DSCC1: variants seen among roughly 807,000 people sequenced by gnomAD.
The protein encoded by DSCC1 is DNA replication and sister chromatid cohesion 1.
A neutral mutation model predicts 48.2 loss-of-function variants in DSCC1; 32 were observed. The ratio of observed to expected loss-of-function variants is 0.66; its 90% CI spans 0.50 to 0.89. DSCC1 has a LOEUF of 0.89. Among genes scored for constraint, DSCC1 ranks in the 40% least tolerant of loss-of-function variants. DSCC1 has a pLI of 0.00. For missense variants in DSCC1, 421 were observed against 471.7 expected, an observed-to-expected ratio of 0.89 and a Z score of 1.00; for synonymous variants, 150 against 171.5, an observed-to-expected ratio of 0.87 and a Z score of 0.98.
intron 8 of DSCC1, 102 bp from the exon 9 acceptor site, chr8:119,835,103 C>T: frequency 2.6e-6 from 2 of 782,864 alleles, no homozygotes; most frequent in Non-Finnish European, 4.0e-6. Flanking sequence ...AATCTGTCTT[C>T]TCAACAAGCG....
At chr8:119,854,980 A>G (rs1438589516) in intron 1 of DSCC1, among the ~76,000 whole-genome samples, 1 of 152,204 alleles carries the variant, frequency 6.6e-6, no homozygotes, top group Admixed American at 6.5e-5. Context: ...GGAGCTCCCT[A>G]TTTTGCAGGA....
Position 119,838,326 on chromosome 8 carries a change from C to G in DSCC1, c.1006G>C (p.Glu336Gln). ...KVDDLPEDNQ[E>Q]RFNSLFSLRE... is the part of the protein sequence containing the mutation. ...AGAGAGAAAAGGCTATTAAAACGTT[C>G]CTGATTATCCTCAGGTAAATCATCT... Residue 336 changes from glutamate to glutamine, a missense_variant, in exon 8 of 9, where the codon GAA (glutamate) becomes CAA (glutamine). Coordinates refer to ENST00000313655, the MANE Select transcript of DSCC1 (RefSeq NM_024094.3). 1 of 1,610,370 alleles carries G rather than the reference C, an allele frequency of 6.2e-7. No individual in the cohort carries two copies. The highest frequency in any genetic ancestry group is 8.5e-7 in the Non-Finnish European group (1 of 1,178,540).
intron 8 of DSCC1, 102 bp from the exon 9 acceptor site, chr8:119,835,103 C>A: frequency 1.3e-6 from 1 of 782,864 alleles, no homozygotes; most frequent in Admixed American, 3.2e-5. Flanking sequence ...AATCTGTCTT[C>A]TCAACAAGCG....
At chr8:119,838,123 C>A in intron 8 of DSCC1, 136 bp downstream of exon 8, 1 of 882,886 alleles carries the variant, frequency 1.1e-6, no homozygotes. Context: ...AGACAGCCAC[C>A]ACCTAAGAGT....
Position 119,842,976 on chromosome 8 carries a change from A to G in DSCC1, c.717-148T>C, listed in dbSNP as rs573791458. The G allele has an allele frequency of 2.6e-3, 1,730 of 669,082 alleles. 2 individuals are homozygous for G. Among genetic ancestry groups the G allele is most frequent in the Non-Finnish European group, 3.6e-3 (1,405 of 391,208 alleles). 41.4% of individuals were successfully genotyped at this position (669,082 alleles called of 1,614,324 possible). A position where few individuals can be genotyped will look rare whatever the true frequency, so the allele number is the denominator to read the frequency against. On this transcript the variant is annotated intron_variant, in intron 5 of 8. Transcript: ENST00000313655. ...TGCCAAATATTATTTTATTTAAATT[A>G]GGAACTAAGTAAAATATACTGGGAA...
chr8:119,843,851 A>G (rs1472925933), intron 4 of DSCC1, 104 bp from the exon 5 acceptor site: 15 of 1,156,446 alleles, frequency 1.3e-5, no homozygotes, highest in Non-Finnish European at 1.8e-5. Context: ...ATCTCAGCTC[A>G]TCGCAACCTC....
chr8:119,844,482 T>C lies in DSCC1; in HGVS notation c.578-735A>G, dbSNP rs72690119. Among the ~76,000 whole-genome samples, 421 of 152,118 alleles carry C rather than the reference T, an allele frequency of 2.8e-3. 1 individual carries two copies. Among genetic ancestry groups the C allele is most frequent in the South Asian group, 0.012 (58 of 4,820 alleles). Reference sequence around the variant, plus strand: ...TTCACTTTCTATAAACAGTGCTTCTTTTTAAGCTTTTCTCCCAATCATTTT... The same window carrying C: ...TTCACTTTCTATAAACAGTGCTTCTCTTTAAGCTTTTCTCCCAATCATTTT... On this transcript the variant is annotated intron_variant, in intron 4 of 8. Transcript: ENST00000313655.
In DSCC1 at chr8:119,848,473, C is replaced by T. The variant is rs150930665; in HGVS notation, c.487-1393G>A. Among the ~76,000 whole-genome samples the T allele has an allele frequency of 5.7e-3, 868 of 152,308 alleles. 6 individuals carry two copies. The highest frequency in any genetic ancestry group is 0.01 in the Middle Eastern group (3 of 294). On this transcript the variant is annotated intron_variant, in intron 3 of 8. Coordinates refer to ENST00000313655, the MANE Select transcript of DSCC1 (RefSeq NM_024094.3). ...AGGCAAAGAAACCGAATGGGCATTT[C>T]TCCAAAGATATACAAATCGTCAATA... is the stretch of plus-strand genomic sequence containing the variant.
intron 1 of DSCC1, among the ~76,000 whole-genome samples, chr8:119,853,671 C>T (rs1177131892): frequency 6.6e-6 from 1 of 151,676 alleles, no homozygotes; most frequent in Non-Finnish European, 1.5e-5. Flanking sequence ...CCCAGGGTCC[C>T]GTATTTCTAA....
intron 1 of DSCC1, 123 bp downstream of exon 1, chr8:119,855,491 T>C: frequency 7.5e-7 from 1 of 1,341,390 alleles, no homozygotes. Context: ...AACAGGCAGC[T>C]TGCTATGAGC....
rs1827007982 is a variant in DSCC1 at position 119,855,719 on chromosome 8, A to G, written c.77T>C (p.Val26Ala). 6.4e-7 allele frequency: 1 copy of G among 1,569,336 alleles called. No homozygotes were observed. The highest frequency in any genetic ancestry group is 1.4e-5 in the African/African-American group (1 of 73,174). The change falls in exon 1 of 9, where the codon GTG becomes GCG. Residue 26 changes from valine to alanine, a missense_variant. By Grantham distance (64) the Val-to-Ala change is moderately conservative. Transcript: ENST00000313655. Reference sequence around the variant, plus strand: ...CCCAGGGCCGAAGCCCAGGCAGTGCACCGCCGGCAGCAGCTCGGCCGCATT... The same window carrying G: ...CCCAGGGCCGAAGCCCAGGCAGTGCGCCGCCGGCAGCAGCTCGGCCGCATT... ...KLNAAELLPA[V>A]HCLGFGPGAS...
chr8:119,843,130 T>C lies in DSCC1; in HGVS notation c.717-302A>G, dbSNP rs1826798515. On this transcript the variant is annotated intron_variant, in intron 5 of 8. Coordinates refer to ENST00000313655, the MANE Select transcript of DSCC1 (RefSeq NM_024094.3). ...GTTTGTTTTATTTTATTTTTTTTTT[T>C]TTTTTGAGAGTGCAGTAGCGCAATC... Among the ~76,000 whole-genome samples, 3 of 151,608 alleles carry C rather than the reference T, an allele frequency of 2.0e-5. No individual in the cohort carries two copies. The South Asian group carries it at 6.2e-4, about 31-fold the overall frequency.
chr8:119,848,247 A>G (rs1325030214), intron 3 of DSCC1, among the ~76,000 whole-genome samples: 4 of 152,138 alleles, frequency 2.6e-5, no homozygotes, highest in Non-Finnish European at 5.9e-5. Context: ...ACAGGTGTGA[A>G]CCATTGCCCC....
chr8:119,842,476 G>A (rs1307420165), intron 6 of DSCC1, among the ~76,000 whole-genome samples: 2 of 150,868 alleles, frequency 1.3e-5, no homozygotes, highest in East Asian at 2.0e-4. Flanking sequence ...CGACCTCCCC[G>A]GGCTCAGGTG....
chr8:119,842,734 T>G, intron 6 of DSCC1, 42 bp downstream of exon 6: 1 of 1,571,064 alleles, frequency 6.4e-7, no homozygotes, highest in Non-Finnish European at 8.7e-7. Context: ...TATGCCAGTT[T>G]TAACATATAA....
intron 1 of DSCC1, among the ~76,000 whole-genome samples, chr8:119,855,215 A>G (rs1382729898): frequency 6.6e-6 from 1 of 152,156 alleles, no homozygotes; most frequent in Non-Finnish European, 1.5e-5. Context: ...AGCACTTCCT[A>G]TCTATCATCT....
Position 119,843,691 on chromosome 8 carries a change from G to A in DSCC1, c.634C>T (p.Gln212Ter). ...GACCATGATTCAGAATCCACAAGCT[G>A]AGTTACATGATTCAGAAGTTTCATC... is the stretch of plus-strand genomic sequence containing the variant. Reference protein sequence around the residue: ...YEMKLLNHVTQLVDSESWSFG... With the variant: ...YEMKLLNHVT Residue 212 changes from glutamine to a stop codon, truncating the protein, a stop_gained, in exon 5 of 9, where the codon CAG becomes TAG. Transcript: ENST00000313655. LOFTEE classifies it high-confidence loss of function. The A allele has an allele frequency of 3.1e-6, 5 of 1,613,900 alleles. No homozygotes were observed. The highest frequency in any genetic ancestry group is 4.2e-6 in the Non-Finnish European group (5 of 1,179,970).
chr8:119,838,155 AG>A, intron 8 of DSCC1, 103 bp downstream of exon 8: 1 of 1,265,910 alleles, frequency 7.9e-7, no homozygotes, highest in African/African-American at 1.5e-5. Flanking sequence ...CAGTATCCTC[AG>A]GGAATACTCA....
chr8:119,852,884 C>CAAT (rs145965795), intron 2 of DSCC1, 163 bp downstream of exon 2: 61 of 561,496 alleles, frequency 1.1e-4, no homozygotes, highest in South Asian at 6.7e-4. Context: ...AACAAACAAG[C>CAAT]AATAATAATA....
Sources: gnomAD v4.1 joint callset for allele counts (sites outside exome capture counted in the v4.1 genomes callset) on GRCh38, gnomAD v4.1.1 for gene constraint, MANE v1.5 for transcripts, NCBI Gene and HGNC (gene_info 2026-07-23, HGNC 2026-07-21) for gene names.